The following DYM variants were observed in gnomAD, a reference collection of about 807,000 sequenced individuals.
DYM encodes the protein dyggve-Melchior-Clausen syndrome protein.
DYM carries 78 observed loss-of-function variants against 93.1 expected under a neutral mutation model. That is an observed-to-expected ratio of 0.84 (90% CI 0.70 to 1.01). The LOEUF is 1.01. Among genes scored for constraint, DYM ranks in the 50% least tolerant of loss-of-function variants. The probability of loss-of-function intolerance (pLI) is 0.00; values close to 1 mark genes in which losing one functional copy is unlikely to be tolerated. For missense variants in DYM, 789 were observed against 845.0 expected, an observed-to-expected ratio of 0.93 and a Z score of 0.82; for synonymous variants, 321 against 319.7, an observed-to-expected ratio of 1.00 and a Z score of -0.04.
intron 16 of DYM, among the ~76,000 whole-genome samples, chr18:49,108,534 G>A (rs778560833): frequency 1.3e-5 from 2 of 152,142 alleles, no homozygotes; most frequent in African/African-American, 2.4e-5. Flanking sequence ...GTTCCTATTC[G>A]GCCATCTTGG....
chr18:49,221,595 T>A (rs1299511302), intron 13 of DYM, among the ~76,000 whole-genome samples: 1 of 152,232 alleles, frequency 6.6e-6, no homozygotes, highest in Non-Finnish European at 1.5e-5. Context: ...GATGAGTTCA[T>A]GTCCTTTGTA....
At position 49,333,785 on chromosome 18, in the gene DYM, A is replaced by T. The variant is rs762107818; in HGVS notation, c.563T>A (p.Phe188Tyr). ...GCTCTGTCGCAAAACTTCTTTGTGGAAGAGTTGGCAGGAAAGGAAAACAAC... is the reference window on the plus strand; with the variant it reads ...GCTCTGTCGCAAAACTTCTTTGTGGTAGAGTTGGCAGGAAAGGAAAACAAC... ...TMVVFLSCQL[F>Y]HKEVLRQSIS... The change falls in exon 7 of 18, where the codon TTC (phenylalanine) becomes TAC (tyrosine). Residue 188 changes from phenylalanine to tyrosine, a missense_variant. Physicochemically the swap from Phe to Tyr is conservative, Grantham distance 22. Transcript: ENST00000675505. The T allele has an allele frequency of 6.2e-7, 1 of 1,613,936 alleles. No homozygotes were observed.
At chr18:49,402,241 A>G (rs1347953524) in intron 2 of DYM, among the ~76,000 whole-genome samples, 1 of 152,168 alleles carries the variant, frequency 6.6e-6, no homozygotes, top group Non-Finnish European at 1.5e-5. Context: ...GAGCAAAAGA[A>G]TGGAGTATCC....
At chr18:49,070,230 T>A (rs547243068) in intron 17 of DYM, among the ~76,000 whole-genome samples, 1 of 152,222 alleles carries the variant, frequency 6.6e-6, no homozygotes, top group Non-Finnish European at 1.5e-5. Context: ...GAAACTAACA[T>A]TGGCTAACAG....
At chr18:49,446,199 A>G (rs1367694521) in intron 1 of DYM, among the ~76,000 whole-genome samples, 1 of 150,282 alleles carries the variant, frequency 6.7e-6, no homozygotes, top group Non-Finnish European at 1.5e-5. Context: ...AGGCAGGAGG[A>G]CCATTTGAGG....
chr18:49,153,795 T>C (rs1046880962), intron 15 of DYM, among the ~76,000 whole-genome samples: 2 of 152,190 alleles, frequency 1.3e-5, no homozygotes, highest in African/African-American at 4.8e-5. Context: ...AAATCAGTGA[T>C]ATATGCTGCA....
intron 1 of DYM, among the ~76,000 whole-genome samples, chr18:49,431,136 T>C (rs1293421078): frequency 6.6e-6 from 1 of 152,182 alleles, no homozygotes; most frequent in East Asian, 1.9e-4. Context: ...GAAGGGAACA[T>C]AGCTCAAGTA....
In DYM at chr18:49,037,504, A is replaced by T. The variant is rs1366455140; in HGVS notation, c.*6551T>A. On this transcript the variant is annotated 3_prime_UTR_variant, in exon 18 of 18. Coordinates refer to ENST00000675505, the MANE Select transcript of DYM (RefSeq NM_001353214.3). ...CTATGTTCACTATCTGGGTGACAGG[A>T]TCATTAGGAGCCCAAACCTCAGCAT... Among the ~76,000 whole-genome samples the T allele has an allele frequency of 6.6e-6, 1 of 152,166 alleles. No individual in the cohort carries two copies. Among genetic ancestry groups the T allele is most frequent in the Non-Finnish European group, 1.5e-5 (1 of 68,028 alleles).
At chr18:49,289,778 TATATATATATACACAC>T (rs1378570245) in intron 8 of DYM, among the ~76,000 whole-genome samples, 4,815 of 55,582 alleles carry the variant, frequency 0.087, 251 homozygotes, top group East Asian at 0.16. Context: ...TATATACACA[TATATATATATACACAC>T]ATATATATAT....
At chr18:49,102,074 T>C (rs553648890) in intron 16 of DYM, among the ~76,000 whole-genome samples, 1 of 152,190 alleles carries the variant, frequency 6.6e-6, no homozygotes, top group Non-Finnish European at 1.5e-5. Context: ...TCTTATAATA[T>C]CTTCAAAGTG....
In DYM at chr18:49,292,622, AAAACC is replaced by A. The variant is rs1568189045; in HGVS notation, c.764-6011_764-6007del. ...AAAAAAAAAAAAAAAAAAAAAAAAAAAAACCCCCACAAAAACCTGTCCACCAGAAA... is the reference window on the plus strand; with the variant it reads ...AAAAAAAAAAAAAAAAAAAAAAAAAACCCACAAAAACCTGTCCACCAGAAA... On this transcript the variant is annotated intron_variant, in intron 8 of 17. Coordinates refer to ENST00000675505, the MANE Select transcript of DYM (RefSeq NM_001353214.3). Among the ~76,000 whole-genome samples, 93 of 85,370 alleles carry A rather than the reference AAAACC, an allele frequency of 1.1e-3. 12 individuals carry two copies. The highest frequency in any genetic ancestry group is 3.9e-3 in the South Asian group (10 of 2,576). 56.0% of individuals were successfully genotyped at this position (85,370 alleles called of 152,430 possible).
intron 15 of DYM, 31 bp downstream of exon 15, chr18:49,163,654 T>G (rs776934912): frequency 1.3e-6 from 2 of 1,531,578 alleles, no homozygotes; most frequent in Non-Finnish European, 1.8e-6. Context: ...GAAAGGAAAA[T>G]TTTTTATTGA....
At chr18:49,244,723 C>G (rs985957660) in intron 13 of DYM, among the ~76,000 whole-genome samples, 4 of 152,062 alleles carry the variant, frequency 2.6e-5, no homozygotes, top group Admixed American at 2.6e-4. Context: ...GAAAAAAACC[C>G]AAAAACAAGG....
intron 15 of DYM, among the ~76,000 whole-genome samples, chr18:49,130,600 T>C (rs987648833): frequency 6.6e-6 from 1 of 152,262 alleles, no homozygotes; most frequent in Non-Finnish European, 1.5e-5. Context: ...GAAGTGCCTA[T>C]TGGCTTTTCC....
At position 49,310,008 on chromosome 18, in the gene DYM, C is replaced by T. The variant is rs150304925; in HGVS notation, c.763+21856G>A. On this transcript the variant is annotated intron_variant, in intron 8 of 17. Transcript: ENST00000675505. ...CTGTGTTAAGGTAAAACAGCATGGA[C>T]GCGTGCAGCACCAAGACATACAAAA... Among the ~76,000 whole-genome samples, 12 of 152,138 alleles carry T rather than the reference C, an allele frequency of 7.9e-5. No individual in the cohort carries two copies. The East Asian group carries it at 2.3e-3, about 29-fold the overall frequency.
At chr18:49,218,240 C>G (rs7234167) in intron 13 of DYM, among the ~76,000 whole-genome samples, 98,008 of 151,898 alleles carry the variant, frequency 0.65, 32,783 homozygotes, top group Non-Finnish European at 0.74. Flanking sequence ...TACAGGAGCA[C>G]CCAGATTCAT....
At chr18:49,254,273 C>A (rs897031977) in intron 13 of DYM, among the ~76,000 whole-genome samples, 60 of 138,116 alleles carry the variant, frequency 4.3e-4, no homozygotes, top group African/African-American at 1.5e-3. Flanking sequence ...TATAAAAGAT[C>A]CTTGTATCAT....
intron 1 of DYM, among the ~76,000 whole-genome samples, chr18:49,434,132 T>G (rs2080593322): frequency 6.6e-6 from 1 of 151,748 alleles, no homozygotes; most frequent in South Asian, 2.1e-4. Flanking sequence ...GACCGTGAGG[T>G]CAGGAGATCG....
At chr18:49,081,294 G>A (rs1402265964) in intron 17 of DYM, among the ~76,000 whole-genome samples, 2 of 151,386 alleles carry the variant, frequency 1.3e-5, no homozygotes, top group African/African-American at 4.9e-5. Flanking sequence ...TCATGGTTAG[G>A]AGCTGGAGAC....
Sources: allele counts gnomAD v4.1 joint callset (sites outside exome capture counted in the v4.1 genomes callset), GRCh38; gene constraint gnomAD v4.1.1; transcripts MANE v1.5; gene names NCBI Gene and HGNC (gene_info 2026-07-23, HGNC 2026-07-21).